The following COQ3 variants were observed in gnomAD, a reference collection of about 807,000 sequenced individuals.
COQ3 encodes coenzyme Q3, methyltransferase, also known as ubiquinone biosynthesis O-methyltransferase, mitochondrial.
In COQ3, 29 loss-of-function variants were observed where a neutral mutation model predicts 33.1. The ratio of observed to expected loss-of-function variants is 0.88; its 90% CI spans 0.65 to 1.19. The LOEUF (loss-of-function observed/expected upper bound fraction) is 1.19. Ranked by LOEUF, COQ3 falls within the 50% of genes most tolerant of loss-of-function variation. The pLI is 0.00. For synonymous variants in COQ3, 173 were observed against 157.8 expected, an observed-to-expected ratio of 1.10 and a Z score of -0.72; for missense variants, 437 against 430.7, an observed-to-expected ratio of 1.01 and a Z score of -0.13.
chr6:99,384,712 A>T (rs953086247), intron 1 of COQ3, among the ~76,000 whole-genome samples: 2 of 152,214 alleles, frequency 1.3e-5, no homozygotes, highest in African/African-American at 4.8e-5. Context: ...TTCAATAAAC[A>T]TTCAGACAAA....
At chr6:99,392,778 G>A (rs1774867573) in intron 1 of COQ3, among the ~76,000 whole-genome samples, 2 of 151,818 alleles carry the variant, frequency 1.3e-5, no homozygotes, top group African/African-American at 2.4e-5. Context: ...GGCGCCTGCC[G>A]CCACGCCCAG....
At chr6:99,390,578 C>T (rs1320728971) in intron 1 of COQ3, among the ~76,000 whole-genome samples, 7 of 152,254 alleles carry the variant, frequency 4.6e-5, no homozygotes, top group African/African-American at 1.7e-4. Flanking sequence ...ATGATCCACC[C>T]GCCTCGGCCT....
chr6:99,376,350 T>A (rs1372094289), intron 4 of COQ3, among the ~76,000 whole-genome samples, 168 bp from the exon 5 acceptor site: 1 of 152,198 alleles, frequency 6.6e-6, no homozygotes, highest in Non-Finnish European at 1.5e-5. Flanking sequence ...TGTACACATT[T>A]GAAATTTTCC....
chr6:99,379,000 AT>A (rs1323704880), intron 3 of COQ3, among the ~76,000 whole-genome samples: 1 of 129,728 alleles, frequency 7.7e-6, no homozygotes, highest in African/African-American at 2.9e-5. Flanking sequence ...AGTTCCCTTT[AT>A]TTTTTATTTT....
At chr6:99,386,847 C>T (rs1774666644) in intron 1 of COQ3, among the ~76,000 whole-genome samples, 1 of 151,994 alleles carries the variant, frequency 6.6e-6, no homozygotes, top group Admixed American at 6.6e-5. Flanking sequence ...GTGAATTCTA[C>T]CAAACACTTA....
chr6:99,387,931 G>A (rs1270225082), intron 1 of COQ3, among the ~76,000 whole-genome samples: 6 of 152,136 alleles, frequency 3.9e-5, no homozygotes, highest in Non-Finnish European at 7.4e-5. Flanking sequence ...TTGGGAGGCC[G>A]AGGCGGGTGG....
chr6:99,370,005 T>C (rs1774082009), intron 6 of COQ3, among the ~76,000 whole-genome samples, 185 bp from the exon 7 acceptor site: 1 of 152,170 alleles, frequency 6.6e-6, no homozygotes. Flanking sequence ...CTAATCACAA[T>C]TTACTGCAGA....
chr6:99,393,437 C>T (rs963243790), intron 1 of COQ3, among the ~76,000 whole-genome samples: 8 of 152,092 alleles, frequency 5.3e-5, no homozygotes, highest in Non-Finnish European at 7.4e-5. Flanking sequence ...CTTGCGGTGT[C>T]ATTCATTTTT....
rs1320547989 is a variant in COQ3 at position 99,380,228 on chromosome 6, G to C, written c.347C>G (p.Pro116Arg). 6.2e-7 allele frequency: 1 copy of C among 1,613,896 alleles called. No individual in the cohort carries two copies. The highest frequency in any genetic ancestry group is 1.3e-5 in the African/African-American group (1 of 74,906). ...KWWDEQGVYA[P>R]LHSMNDLRVP... is the part of the protein sequence containing the mutation. The stretch of plus-strand genomic sequence containing the variant: ...CCTCAGGTCATTCATGGAATGAAGA[G>C]GTGCATATACTCCTTGTTCATCCCA... Residue 116 changes from proline to arginine, a missense_variant, in exon 3 of 7, where the codon CCT becomes CGT. Pro to Arg is a moderately radical substitution (Grantham distance 103). Coordinates refer to ENST00000254759, the MANE Select transcript of COQ3 (RefSeq NM_017421.4).
intron 3 of COQ3, among the ~76,000 whole-genome samples, chr6:99,379,255 A>C (rs1488857774): frequency 6.6e-6 from 1 of 152,200 alleles, no homozygotes; most frequent in South Asian, 2.1e-4. Flanking sequence ...ACTGATAAAA[A>C]ATATTTTTAA....
At chr6:99,386,977 A>G (rs946388458) in intron 1 of COQ3, among the ~76,000 whole-genome samples, 2 of 152,220 alleles carry the variant, frequency 1.3e-5, no homozygotes, top group Admixed American at 6.5e-5. Context: ...TACAGCAAAG[A>G]CTACAGACCA....
chr6:99,369,707 C>T lies in COQ3; in HGVS notation c.1003G>A (p.Val335Ile). 6.2e-7 allele frequency: 1 copy of T among 1,613,790 alleles called. No individual in the cohort carries two copies. The highest frequency in any genetic ancestry group is 8.5e-7 in the Non-Finnish European group (1 of 1,179,842). The change falls in exon 7 of 7, where the codon GTC (valine) becomes ATC (isoleucine). Residue 335 changes from valine (V) to isoleucine (I), a missense_variant. By Grantham distance (29) the Val-to-Ile change is conservative. Coordinates refer to ENST00000254759, the MANE Select transcript of COQ3 (RefSeq NM_017421.4). ...TCAGCAGAGGCTGGGTGTTCCTGGA[C>T]CCTGGATTTCACAGCATAAGCTGCA... ...NYAAYAVKSR[V>I]QEHPASAEFV... is the part of the protein sequence containing the mutation.
intron 1 of COQ3, among the ~76,000 whole-genome samples, chr6:99,389,939 G>C (rs1226425499): frequency 6.6e-6 from 1 of 152,004 alleles, no homozygotes; most frequent in Non-Finnish European, 1.5e-5. Flanking sequence ...CATGGCATTA[G>C]CCCGTCTCTA....
chr6:99,375,174 G>T (rs1005764966), intron 5 of COQ3, among the ~76,000 whole-genome samples: 2 of 151,640 alleles, frequency 1.3e-5, no homozygotes, highest in Non-Finnish European at 2.9e-5. Context: ...CTCCATGTTG[G>T]TCAGGCTGGT....
At chr6:99,381,668 G>A (rs1463261516) in intron 2 of COQ3, among the ~76,000 whole-genome samples, 1 of 152,186 alleles carries the variant, frequency 6.6e-6, no homozygotes. Flanking sequence ...GCTGACGTCT[G>A]TAATCGCAGC....
chr6:99,376,225 A>G (rs1415981151), intron 4 of COQ3, 43 bp from the exon 5 acceptor site: 2 of 1,582,148 alleles, frequency 1.3e-6, no homozygotes, highest in Non-Finnish European at 1.7e-6. Flanking sequence ...AAGAAAATAG[A>G]GCACATGTTA....
intron 5 of COQ3, among the ~76,000 whole-genome samples, chr6:99,374,731 C>A (rs1200714926): frequency 6.6e-6 from 1 of 152,176 alleles, no homozygotes; most frequent in Non-Finnish European, 1.5e-5. Context: ...TTAAGCCCCA[C>A]TTAAATGCCT....
At chr6:99,376,437 A>T (rs935954103) in intron 4 of COQ3, among the ~76,000 whole-genome samples, 2 of 152,240 alleles carry the variant, frequency 1.3e-5, no homozygotes, top group Non-Finnish European at 2.9e-5. Context: ...AGACAGTGAA[A>T]AAAACTTTGT....
At position 99,383,918 on chromosome 6, in the gene COQ3, T is replaced by C. The variant is rs1774544474; in HGVS notation, c.107-94A>G. 3.9e-6 allele frequency: 4 copies of C among 1,030,532 alleles called. No homozygotes were observed. In the South Asian group the frequency reaches 6.6e-5, roughly 17 times the overall value. The allele number at this position is 1,030,532 out of a possible 1,614,324, so 63.8% of individuals were successfully genotyped here. A position where few individuals can be genotyped will look rare whatever the true frequency, so the allele number is the denominator to read the frequency against. On this transcript the variant is annotated intron_variant, in intron 1 of 6. Coordinates refer to ENST00000254759, the MANE Select transcript of COQ3 (RefSeq NM_017421.4). The stretch of plus-strand genomic sequence containing the variant: ...GAAGATTCTATTTTATTTTATTATT[T>C]ATTTTATAGTCTTGCTCTGCCACCC...
Sources: allele counts gnomAD v4.1 joint callset (sites outside exome capture counted in the v4.1 genomes callset), GRCh38; gene constraint gnomAD v4.1.1; transcripts MANE v1.5; gene names NCBI Gene and HGNC (gene_info 2026-07-23, HGNC 2026-07-21).